The following PSME3IP1 variants were observed in gnomAD, a reference collection of about 807,000 sequenced individuals.
The protein encoded by PSME3IP1 is proteasome activator subunit 3 interacting protein 1.
PSME3IP1 carries 13 observed loss-of-function variants against 34.1 expected under a neutral mutation model. The observed-to-expected ratio is 0.38, with a 90% confidence interval of 0.25 to 0.61. PSME3IP1 has a LOEUF of 0.61. Ranked by LOEUF, PSME3IP1 falls within the 20% of genes least tolerant of loss-of-function variation. PSME3IP1 has a pLI of 0.60. For synonymous variants in PSME3IP1, 93 were observed against 114.3 expected (o/e 0.81, Z 1.19); for missense variants, 237 against 301.4 (o/e 0.79, Z 1.58).
intron 1 of PSME3IP1, chr16:57,185,425 T>C (rs1187228448): frequency 2.8e-5 from 22 of 788,362 alleles, no homozygotes; most frequent in Non-Finnish European, 3.2e-5. Context: ...CATCCTGCAC[T>C]GCCATTCTGG....
chr16:57,164,124 G>T, intron 5 of PSME3IP1, 59 bp from the exon 6 acceptor site: 1 of 1,488,364 alleles, frequency 6.7e-7, no homozygotes, highest in Non-Finnish European at 9.4e-7. Flanking sequence ...AAAGCTTAGG[G>T]AATCAGGAGC....
At chr16:57,155,226 A>AT (rs1289119393) in intron 6 of PSME3IP1, among the ~76,000 whole-genome samples, 1 of 152,214 alleles carries the variant, frequency 6.6e-6, no homozygotes, top group Non-Finnish European at 1.5e-5. Flanking sequence ...GTCAGGTAAC[A>AT]TTTTAAGGCC....
At chr16:57,167,335 G>A in intron 4 of PSME3IP1, 109 bp from the exon 5 acceptor site, 2 of 1,205,504 alleles carry the variant, frequency 1.7e-6, no homozygotes, top group Non-Finnish European at 2.4e-6. Context: ...TTAAATAAAT[G>A]CCCCACCCTT....
Position 57,180,682 on chromosome 16 carries a change from T to C in PSME3IP1, c.-16+5139A>G, listed in dbSNP as rs150078225. 3.2e-3 allele frequency among the ~76,000 whole-genome samples: 478 copies of C among 151,610 alleles called. 6 individuals are homozygous for C. Among genetic ancestry groups the C allele is most frequent in the African/African-American group, 0.011 (463 of 41,318 alleles). ...AGCACTTTGGGAGGCCAAGGCAGGA[T>C]TGTTTGAGCCCAGGAGTTCAAGACC... On this transcript the variant is annotated intron_variant, in intron 1 of 6. Transcript: ENST00000309137.
rs564050683 is a variant in PSME3IP1 at position 57,164,030 on chromosome 16, G to A, written c.518C>T (p.Pro173Leu). The change falls in exon 6 of 7, where the codon CCG becomes CTG. Residue 173 changes from proline (P) to leucine (L), a missense_variant. Physicochemically the swap from Pro to Leu is moderately conservative, Grantham distance 98. Transcript: ENST00000309137. ...ESGNSVKRLK[P>L]DPEPDDKNQE... Reference sequence around the variant, plus strand: ...ATTCTTGTCATCTGGCTCAGGGTCCGGTTTCAGTCTTTTCACACTGTTGCC... The same window carrying A: ...ATTCTTGTCATCTGGCTCAGGGTCCAGTTTCAGTCTTTTCACACTGTTGCC... 2.0e-5 allele frequency: 33 copies of A among 1,614,102 alleles called. No individual in the cohort carries two copies. Among genetic ancestry groups the A allele is most frequent in the South Asian group, 1.3e-4 (12 of 91,068 alleles).
intron 4 of PSME3IP1, among the ~76,000 whole-genome samples, chr16:57,168,468 T>C (rs2072160873): frequency 6.6e-6 from 1 of 150,648 alleles, no homozygotes; most frequent in Non-Finnish European, 1.5e-5. Flanking sequence ...TTTAGGGTCA[T>C]CATGGAAATA....
intron 5 of PSME3IP1, among the ~76,000 whole-genome samples, chr16:57,165,152 G>A (rs1304827154): frequency 6.7e-6 from 1 of 149,744 alleles, no homozygotes; most frequent in Non-Finnish European, 1.5e-5. Flanking sequence ...CTAAGACACT[G>A]TTATATATAT....
chr16:57,172,486 C>A, intron 3 of PSME3IP1, 114 bp from the exon 4 acceptor site: 1 of 1,140,710 alleles, frequency 8.8e-7, no homozygotes, highest in Non-Finnish European at 1.2e-6. Flanking sequence ...AAAAAAAGAA[C>A]TGGTAAATAC....
chr16:57,165,998 A>G (rs2071829715), intron 5 of PSME3IP1, among the ~76,000 whole-genome samples: 1 of 152,156 alleles, frequency 6.6e-6, no homozygotes, highest in African/African-American at 2.4e-5. Flanking sequence ...CTTGCAGGAA[A>G]GCTTATGTGA....
At chr16:57,156,394 A>G (rs2070531795) in intron 6 of PSME3IP1, among the ~76,000 whole-genome samples, 1 of 152,234 alleles carries the variant, frequency 6.6e-6, no homozygotes, top group Admixed American at 6.5e-5. Context: ...ATGTGAAAAG[A>G]ATACACAGTT....
In PSME3IP1 at chr16:57,172,191, C is replaced by A. The variant is rs2072664824; in HGVS notation, c.348+60G>T. ...CTTTCTGTTGATGAGGAGACAACAT[C>A]CATAGATGCTGATGAGAAAATGGAC... On this transcript the variant is annotated intron_variant, in intron 4 of 6. Transcript: ENST00000309137. 5.7e-6 allele frequency: 9 copies of A among 1,588,820 alleles called. 1 individual carries two copies. The highest frequency in any genetic ancestry group is 2.3e-4 in the Middle Eastern group (1 of 4,386).
chr16:57,186,058 C>G (rs1200920173), upstream of PSME3IP1: 8 of 985,398 alleles, frequency 8.1e-6, no homozygotes, highest in South Asian at 3.8e-4. Context: ...GCCCCACTTC[C>G]GGCGACGTAA....
At position 57,154,639 on chromosome 16, in the gene PSME3IP1, A is replaced by G. The variant is rs1177231326; in HGVS notation, c.548-132T>C. The G allele has an allele frequency of 2.0e-5, 14 of 684,852 alleles. No homozygotes were observed. Among genetic ancestry groups the G allele is most frequent in the Non-Finnish European group, 3.3e-5 (14 of 425,528 alleles). 42.4% of individuals were successfully genotyped at this position (684,852 alleles called of 1,614,324 possible). ...CTTAGAACAATGCTATGCAGCCAAT[A>G]CTATCATCACCCTCGTTTTAGAGAT... On this transcript the variant is annotated intron_variant, in intron 6 of 6. Coordinates refer to ENST00000309137, the MANE Select transcript of PSME3IP1 (RefSeq NM_024946.4). This position sits in a 1 kb window ranked among gnomAD's most constrained non-coding sequence, Gnocchi z 4.0.
chr16:57,175,118 G>A (rs551649578), intron 1 of PSME3IP1, among the ~76,000 whole-genome samples: 83 of 151,638 alleles, frequency 5.5e-4, no homozygotes, highest in African/African-American at 1.8e-3. Flanking sequence ...AGGTTCAAGC[G>A]ATTCTCCTGC....
rs1176883013 is a variant in PSME3IP1 at position 57,178,476 on chromosome 16, C to A, written c.-15-4607G>T. ...TTATTATTATTAGCACAGTGTCTGGCATATATTAGGTATTCAAATACTTAC... is the reference window on the plus strand; with the variant it reads ...TTATTATTATTAGCACAGTGTCTGGAATATATTAGGTATTCAAATACTTAC... On this transcript the variant is annotated intron_variant, in intron 1 of 6. Transcript: ENST00000309137. 10 of 821,700 alleles carry A rather than the reference C, an allele frequency of 1.2e-5. No individual in the cohort carries two copies. In the South Asian group the frequency reaches 2.8e-4, roughly 23 times the overall value. The allele number at this position is 821,700 out of a possible 1,614,324, so 50.9% of individuals were successfully genotyped here.
intron 4 of PSME3IP1, among the ~76,000 whole-genome samples, chr16:57,168,500 T>C (rs1292861168): frequency 4.0e-5 from 2 of 49,608 alleles, no homozygotes; most frequent in Non-Finnish European, 6.3e-5. Context: ...TACTCATTTT[T>C]ATTTAAAAAA....
intron 4 of PSME3IP1, 28 bp from the exon 5 acceptor site, chr16:57,167,254 A>C (rs1248151480): frequency 1.2e-6 from 2 of 1,613,912 alleles, no homozygotes; most frequent in Non-Finnish European, 1.7e-6. Flanking sequence ...GGTCAAACTA[A>C]GCAAAAGGGA....
chr16:57,178,794 C>A (rs149977914), intron 1 of PSME3IP1: 19 of 985,336 alleles, frequency 1.9e-5, no homozygotes, highest in African/African-American at 3.5e-5. Context: ...ACTTATCCTG[C>A]GAAAGCAGTA....
intron 6 of PSME3IP1, among the ~76,000 whole-genome samples, chr16:57,157,597 T>A (rs1269616581): frequency 6.6e-6 from 1 of 151,866 alleles, no homozygotes. Flanking sequence ...TTGTCCCTTT[T>A]GAATTTTTCC....
Sources: allele counts gnomAD v4.1 joint callset (sites outside exome capture counted in the v4.1 genomes callset), GRCh38; gene constraint gnomAD v4.1.1; non-coding constraint Gnocchi (gnomAD v3.1); transcripts MANE v1.5; gene names NCBI Gene and HGNC (gene_info 2026-07-23, HGNC 2026-07-21).